Variants in AKR1C4 observed in about 807,000 individuals in gnomAD.
AKR1C4 encodes the protein 3-alpha-HSD1.
Under a neutral mutation model 41.0 loss-of-function variants are expected in AKR1C4, and 44 were observed. That is an observed-to-expected ratio of 1.07 (90% CI 0.84 to 1.38). The LOEUF is 1.38. Among genes scored for constraint, AKR1C4 ranks in the 40% most tolerant of loss-of-function variants. The probability of loss-of-function intolerance (pLI) is 0.00; values close to 1 mark genes in which losing one functional copy is unlikely to be tolerated. For missense variants in AKR1C4, 438 were observed against 387.9 expected (o/e 1.13, Z -1.09); for synonymous variants, 165 against 137.7 (o/e 1.20, Z -1.39).
intron 4 of AKR1C4, 49 bp downstream of exon 4, chr10:5,205,883 A>AAC: frequency 6.5e-7 from 1 of 1,541,204 alleles, no homozygotes; most frequent in Non-Finnish European, 8.9e-7. Flanking sequence ...AGAAGAGGTA[A>AAC]ACCTGTTCCC....
At chr10:5,206,601 T>C (rs1053726571) in intron 5 of AKR1C4, among the ~76,000 whole-genome samples, 1 of 152,194 alleles carries the variant, frequency 6.6e-6, no homozygotes, top group Non-Finnish European at 1.5e-5. Flanking sequence ...GAGACCTTCA[T>C]GCTAAATTGT....
chr10:5,218,834 G>A lies in AKR1C4; in HGVS notation c.*74G>A. On this transcript the variant is annotated 3_prime_UTR_variant, in exon 9 of 9. Coordinates refer to ENST00000263126, the MANE Select transcript of AKR1C4 (RefSeq NM_001818.5). ...GTGATGCAGAGGATGTCTCTATGCT[G>A]GTGACTGGACACACAGCCTCTGGTT... 2 of 1,458,638 alleles carry A rather than the reference G, an allele frequency of 1.4e-6. No individual in the cohort carries two copies. Among genetic ancestry groups the A allele is most frequent in the Non-Finnish European group, 1.9e-6 (2 of 1,041,020 alleles). 90.4% of individuals were successfully genotyped at this position (1,458,638 alleles called of 1,614,324 possible). A position where few individuals can be genotyped will look rare whatever the true frequency, so the allele number is the denominator to read the frequency against.
intron 2 of AKR1C4, among the ~76,000 whole-genome samples, chr10:5,201,737 G>T (rs1251173424): frequency 2.6e-5 from 4 of 152,246 alleles, no homozygotes; most frequent in South Asian, 2.1e-4. Flanking sequence ...AATTTTTATG[G>T]TTTCAGGTCT....
chr10:5,215,089 CAA>C (rs1832635872), intron 7 of AKR1C4, among the ~76,000 whole-genome samples: 1 of 152,058 alleles, frequency 6.6e-6, no homozygotes. Context: ...ATGCTGCAGA[CAA>C]AGAGGATCTC....
chr10:5,209,311 G>A (rs1373522501), intron 5 of AKR1C4, among the ~76,000 whole-genome samples: 1 of 128,294 alleles, frequency 7.8e-6, no homozygotes, highest in African/African-American at 2.5e-5. Flanking sequence ...TTAAATTTTT[G>A]TATTGTATTA....
intron 3 of AKR1C4, 48 bp from the exon 4 acceptor site, chr10:5,205,709 G>A (rs376950284): frequency 9.2e-5 from 140 of 1,527,454 alleles, no homozygotes; most frequent in African/African-American, 6.0e-4. Context: ...GCATGCCTAT[G>A]GGTGGAAAAG....
chr10:5,214,694 A>G (rs1313590700), intron 7 of AKR1C4, among the ~76,000 whole-genome samples: 1 of 152,118 alleles, frequency 6.6e-6, no homozygotes, highest in Non-Finnish European at 1.5e-5. Flanking sequence ...TTTTTTGAGA[A>G]TTTTCTAATC....
At chr10:5,212,802 A>C in intron 6 of AKR1C4, 77 bp downstream of exon 6, 1 of 1,492,356 alleles carries the variant, frequency 6.7e-7, no homozygotes, top group South Asian at 1.2e-5. Context: ...TCAGTCTCCT[A>C]GAGTTCATTC....
intron 5 of AKR1C4, among the ~76,000 whole-genome samples, chr10:5,211,834 C>T (rs541929570): frequency 2.9e-4 from 44 of 152,222 alleles, no homozygotes; most frequent in African/African-American, 1.0e-3. Context: ...GCTGGGGACA[C>T]CTCACAATCA....
In AKR1C4 at chr10:5,206,389, T is replaced by C. The variant is rs782041453; in HGVS notation, c.562T>C (p.Cys188Arg). The C allele has an allele frequency of 1.9e-6, 3 of 1,614,084 alleles. No individual in the cohort carries two copies. The South Asian group carries it at 3.3e-5, about 18-fold the overall frequency. Residue 188 changes from cysteine (C) to arginine (R), a missense_variant, in exon 5 of 9, where the codon TGC (cysteine) becomes CGC (arginine). Coordinates refer to ENST00000263126, the MANE Select transcript of AKR1C4 (RefSeq NM_001818.5). ...GCCAGGACTCAAGTACAAGCCTGTC[T>C]GCAACCAGGTGAGCACCCTCAGCCT... ...NKPGLKYKPV[C>R]NQVECHPYLN...
rs987964986 is a variant in AKR1C4, at chr10:5,218,554, A to G, written c.930-164A>G. On this transcript the variant is annotated intron_variant, in intron 8 of 8. Coordinates refer to ENST00000263126, the MANE Select transcript of AKR1C4 (RefSeq NM_001818.5). ...ATTTTCTTATTTTGAAAAAAAAAAA[A>G]AACACATTATAAACTCATGTTCATG... Among the ~76,000 whole-genome samples, 4 of 151,868 alleles carry G rather than the reference A, an allele frequency of 2.6e-5. No homozygotes were observed. In the East Asian group the frequency reaches 5.8e-4, roughly 22 times the overall value.
At chr10:5,214,665 T>C (rs1832628732) in intron 7 of AKR1C4, among the ~76,000 whole-genome samples, 1 of 150,868 alleles carries the variant, frequency 6.6e-6, no homozygotes, top group African/African-American at 2.4e-5. Context: ...CTTATACTTT[T>C]AATAGTCTTT....
chr10:5,198,237 C>T (rs1392761573), intron 1 of AKR1C4, among the ~76,000 whole-genome samples: 1 of 152,134 alleles, frequency 6.6e-6, no homozygotes, highest in African/African-American at 2.4e-5. Flanking sequence ...TATGTCTTTA[C>T]TCCTAGTATT....
At chr10:5,206,986 G>A (rs1832499599) in intron 5 of AKR1C4, among the ~76,000 whole-genome samples, 1 of 152,158 alleles carries the variant, frequency 6.6e-6, no homozygotes, top group Non-Finnish European at 1.5e-5. Flanking sequence ...TGAGAGATAA[G>A]CTGAAAGGAT....
intron 3 of AKR1C4, among the ~76,000 whole-genome samples, chr10:5,205,315 G>C (rs782588417): frequency 6.6e-6 from 1 of 152,150 alleles, no homozygotes; most frequent in Non-Finnish European, 1.5e-5. Context: ...ATACTGAAAA[G>C]AACTTCCATT....
rs544487916 is a variant in AKR1C4, at chr10:5,207,928, G to C, written c.570+1531G>C. 1.3e-5 allele frequency among the ~76,000 whole-genome samples: 2 copies of C among 151,772 alleles called. 1 individual carries two copies. Among genetic ancestry groups the C allele is most frequent in the African/African-American group, 4.9e-5 (2 of 41,066 alleles). On this transcript the variant is annotated intron_variant, in intron 5 of 8. Coordinates refer to ENST00000263126, the MANE Select transcript of AKR1C4 (RefSeq NM_001818.5). ...GTGGAAGATGAGTAAATGCAGTAAT[G>C]CTTGAAATGGTCTCTTCTCCCTAGC...
At chr10:5,212,931 A>G in intron 6 of AKR1C4, 63 bp from the exon 7 acceptor site, 1 of 1,579,294 alleles carries the variant, frequency 6.3e-7, no homozygotes, top group South Asian at 1.2e-5. Context: ...TAGTCTGTTT[A>G]GGGAGCCTCC....
intron 2 of AKR1C4, among the ~76,000 whole-genome samples, 158 bp from the exon 3 acceptor site, chr10:5,204,219 C>T (rs1039648182): frequency 4.7e-5 from 7 of 149,196 alleles, no homozygotes; most frequent in Admixed American, 6.8e-5. Flanking sequence ...CAATATGTAG[C>T]TTTCATATAG....
intron 5 of AKR1C4, chr10:5,207,500 G>A: frequency 2.3e-6 from 1 of 426,500 alleles, no homozygotes; most frequent in South Asian, 2.0e-5. Context: ...AGTCAAAACT[G>A]AACTTTATAA....
Sources: gnomAD v4.1 joint callset for allele counts (sites outside exome capture counted in the v4.1 genomes callset) on GRCh38, gnomAD v4.1.1 for gene constraint, MANE v1.5 for transcripts, NCBI Gene and HGNC (gene_info 2026-07-23, HGNC 2026-07-21) for gene names.